LHCGR: variants seen among roughly 807,000 people sequenced by gnomAD.
The protein encoded by LHCGR is luteinizing hormone/choriogonadotropin receptor, also known as lutropin-choriogonadotropic hormone receptor.
A neutral mutation model predicts 60.7 loss-of-function variants in LHCGR; 55 were observed. The ratio of observed to expected loss-of-function variants is 0.91; its 90% CI spans 0.73 to 1.13. The LOEUF (loss-of-function observed/expected upper bound fraction) is 1.13, where lower values mean the gene tolerates loss of function less well. Among genes scored for constraint, LHCGR ranks in the 50% most tolerant of loss-of-function variants. The pLI, the probability that LHCGR is intolerant of heterozygous loss-of-function variation, is 0.00. For missense variants in LHCGR, 862 were observed against 836.0 expected (o/e 1.03, Z -0.38); for synonymous variants, 337 against 316.5 (o/e 1.06, Z -0.69).
intron 8 of LHCGR, chr2:48,708,714 ATTTTG>A (rs1203501926): frequency 8.4e-6 from 5 of 595,160 alleles, no homozygotes; most frequent in Non-Finnish European, 9.0e-6. Context: ...TGACACCTTG[ATTTTG>A]GACATCTAGC....
At chr2:48,743,690 A>G (rs1207855111) in intron 1 of LHCGR, among the ~76,000 whole-genome samples, 1 of 152,192 alleles carries the variant, frequency 6.6e-6, no homozygotes, top group Non-Finnish European at 1.5e-5. Flanking sequence ...GATGGGACGT[A>G]TCTCAAAATA....
Position 48,731,537 on chromosome 2 carries a change from C to T in LHCGR, c.162-239G>A, listed in dbSNP as rs560843709. On this transcript the variant is annotated intron_variant, in intron 1 of 10. Transcript: ENST00000294954. ...TAAGACTGTGAACGTTGAGATTAGG[C>T]ATACCTGGACGCAAATCTTCGCTGT... 2.0e-5 allele frequency among the ~76,000 whole-genome samples: 3 copies of T among 152,266 alleles called. No homozygotes were observed. In the South Asian group the frequency reaches 6.2e-4, roughly 32 times the overall value.
At chr2:48,709,206 G>C (rs1667856430) in intron 7 of LHCGR, among the ~76,000 whole-genome samples, 184 bp from the exon 8 acceptor site, 1 of 152,066 alleles carries the variant, frequency 6.6e-6, no homozygotes, top group Non-Finnish European at 1.5e-5. Flanking sequence ...TGAAATTACT[G>C]GCATGTGTGT....
intron 8 of LHCGR, among the ~76,000 whole-genome samples, chr2:48,701,223 T>A (rs1667392558): frequency 6.6e-6 from 1 of 152,080 alleles, no homozygotes; most frequent in South Asian, 2.1e-4. Context: ...TGGCGGGATC[T>A]ACAGTACGAA....
intron 1 of LHCGR, among the ~76,000 whole-genome samples, chr2:48,737,790 A>AT (rs1161340283): frequency 6.6e-6 from 1 of 152,220 alleles, no homozygotes; most frequent in Non-Finnish European, 1.5e-5. Context: ...ATTATTGTTG[A>AT]TTGCTCCCTG....
Position 48,725,435 on chromosome 2 carries a change from C to T in LHCGR, c.383+241G>A, listed in dbSNP as rs6545061. ...CTTGAAAATCACTACAGAGGGGTGA[C>T]GTTCTTCCCAGGTGTTTAGGACTGA... On this transcript the variant is annotated intron_variant, in intron 4 of 10. Transcript: ENST00000294954. Among the ~76,000 whole-genome samples, 90,445 of 152,004 alleles carry T rather than the reference C, an allele frequency of 0.6. 28,334 individuals carry two copies. Among genetic ancestry groups the T allele is most frequent in the African/African-American group, 0.78 (32,480 of 41,466 alleles).
chr2:48,699,748 C>T (rs1667318869), intron 8 of LHCGR, among the ~76,000 whole-genome samples: 1 of 152,252 alleles, frequency 6.6e-6, no homozygotes, highest in South Asian at 2.1e-4. Flanking sequence ...AACACTCAGC[C>T]TTGCAAGCTG....
intron 6 of LHCGR, among the ~76,000 whole-genome samples, chr2:48,718,735 C>T (rs13421430): frequency 0.12 from 18,596 of 152,052 alleles, 1,378 homozygotes; most frequent in Middle Eastern, 0.24. Context: ...TAATTCCTTA[C>T]GTATGAAGAC....
chr2:48,701,546 A>G (rs191360185), intron 8 of LHCGR, among the ~76,000 whole-genome samples: 62 of 152,286 alleles, frequency 4.1e-4, no homozygotes, highest in African/African-American at 1.4e-3. Flanking sequence ...GTTCGTTCAA[A>G]CGACACTTTT....
chr2:48,690,470 C>G (rs1424197351), intron 10 of LHCGR, among the ~76,000 whole-genome samples: 2 of 152,196 alleles, frequency 1.3e-5, no homozygotes, highest in Non-Finnish European at 2.9e-5. Context: ...TGCATTCATA[C>G]ATGTAGAATG....
At chr2:48,735,994 T>G (rs1168918153) in intron 1 of LHCGR, among the ~76,000 whole-genome samples, 1 of 152,114 alleles carries the variant, frequency 6.6e-6, no homozygotes, top group African/African-American at 2.4e-5. Flanking sequence ...GTAGCACCTC[T>G]CCTCTCTCTC....
At chr2:48,736,801 C>G (rs1669222918) in intron 1 of LHCGR, among the ~76,000 whole-genome samples, 1 of 152,302 alleles carries the variant, frequency 6.6e-6, no homozygotes, top group African/African-American at 2.4e-5. Context: ...GACATATGCA[C>G]TATCAAATAT....
At position 48,688,869 on chromosome 2, in the gene LHCGR, C is replaced by G; in HGVS notation, c.948-20G>C. The G allele has an allele frequency of 6.2e-7, 1 of 1,610,460 alleles. No homozygotes were observed. ...GAATAACTGTAAGAAGAATTATTGG[C>G]TTGAGGTAAGGGATTTTCTCTGAGT... is the stretch of plus-strand genomic sequence containing the variant. On this transcript the variant is annotated intron_variant, in intron 10 of 10. Transcript: ENST00000294954. The surrounding 1 kb of genome is among the most constrained non-coding windows in gnomAD (Gnocchi z 5.2).
At chr2:48,712,212 T>G (rs1199938091) in intron 7 of LHCGR, among the ~76,000 whole-genome samples, 6 of 152,098 alleles carry the variant, frequency 3.9e-5, no homozygotes, top group African/African-American at 1.4e-4. Context: ...GGAGGCTTCA[T>G]GCTTTGCCTT....
At chr2:48,747,048 C>G (rs1047685343) in intron 1 of LHCGR, among the ~76,000 whole-genome samples, 6 of 151,902 alleles carry the variant, frequency 3.9e-5, no homozygotes, top group African/African-American at 1.5e-4. Context: ...TTGGTTGCAA[C>G]TGATATACTA....
intron 8 of LHCGR, among the ~76,000 whole-genome samples, chr2:48,705,482 C>G (rs2104409872): frequency 6.6e-6 from 1 of 152,238 alleles, no homozygotes; most frequent in East Asian, 1.9e-4. Flanking sequence ...CTAGTATTGA[C>G]AGTTGGATGT....
intron 8 of LHCGR, among the ~76,000 whole-genome samples, chr2:48,704,364 T>C (rs1667558538): frequency 6.6e-6 from 1 of 152,182 alleles, no homozygotes; most frequent in Non-Finnish European, 1.5e-5. Context: ...TTTTGTGGTG[T>C]ACTCTGCCAG....
chr2:48,692,360 T>C lies in LHCGR; in HGVS notation c.947+1864A>G, dbSNP rs3792247. On this transcript the variant is annotated intron_variant, in intron 10 of 10. Transcript: ENST00000294954. ...ATTTATATCAACAAGAGGTCAAACA[T>C]GTTTTCTCACTTCCTCTCGCTGTCT... 4.9e-3 allele frequency among the ~76,000 whole-genome samples: 739 copies of C among 152,340 alleles called. 27 individuals carry two copies. In the East Asian group the frequency reaches 0.1, roughly 22 times the overall value.
intron 1 of LHCGR, among the ~76,000 whole-genome samples, chr2:48,742,147 C>T (rs1280160328): frequency 4.0e-5 from 6 of 151,790 alleles, no homozygotes; most frequent in Non-Finnish European, 1.5e-5. Context: ...GCTAACTATC[C>T]TAAATATATA....
Sources: allele counts gnomAD v4.1 joint callset (sites outside exome capture counted in the v4.1 genomes callset), GRCh38; gene constraint gnomAD v4.1.1; non-coding constraint Gnocchi (gnomAD v3.1); transcripts MANE v1.5; gene names NCBI Gene and HGNC (gene_info 2026-07-23, HGNC 2026-07-21).